NT5DC1: variants seen among roughly 807,000 people sequenced by gnomAD.
NT5DC1 encodes 5'-nucleotidase domain containing 1, also known as 5'-nucleotidase domain-containing protein 1.
A neutral mutation model predicts 59.4 loss-of-function variants in NT5DC1; 42 were observed. That is an observed-to-expected ratio of 0.71 (90% CI 0.55 to 0.92). The LOEUF is 0.92. Among genes scored for constraint, NT5DC1 ranks in the 40% least tolerant of loss-of-function variants. NT5DC1 has a pLI of 0.00. For missense variants in NT5DC1, 501 were observed against 537.1 expected, an observed-to-expected ratio of 0.93 and a Z score of 0.66; for synonymous variants, 172 against 188.1, an observed-to-expected ratio of 0.91 and a Z score of 0.70.
At position 116,236,609 on chromosome 6, in the gene NT5DC1, A is replaced by T. The variant is rs543493388; in HGVS notation, c.803-357A>T. On this transcript the variant is annotated intron_variant, in intron 8 of 11. Coordinates refer to ENST00000319550, the MANE Select transcript of NT5DC1 (RefSeq NM_152729.3). ...AATTCTAAAAAATTAACACCTAATG[A>T]CTTTCATTGTGTTATTTATTTGGTA... Among the ~76,000 whole-genome samples, 95 of 152,296 alleles carry T rather than the reference A, an allele frequency of 6.2e-4. 1 individual carries two copies. Among genetic ancestry groups the T allele is most frequent in the Middle Eastern group, 3.4e-3 (1 of 294 alleles).
At chr6:116,120,121 A>T (rs747712394) in intron 6 of NT5DC1, 1 of 1,614,132 alleles carries the variant, frequency 6.2e-7, no homozygotes, top group South Asian at 1.1e-5. Context: ...GGACATACTC[A>T]GAGGAGTATA....
At chr6:116,241,945 A>AAAAAAAAAAAAAAAAAAAAAAC (rs1771738418) in intron 11 of NT5DC1, among the ~76,000 whole-genome samples, 1 of 15,348 alleles carries the variant, frequency 6.5e-5, no homozygotes. Context: ...AAAACAAAAC[A>AAAAAAAAAAAAAAAAAAAAAAC]AAAAAAAAAA....
chr6:116,167,010 T>C (rs1027699192), intron 6 of NT5DC1, among the ~76,000 whole-genome samples: 1 of 152,144 alleles, frequency 6.6e-6, no homozygotes, highest in African/African-American at 2.4e-5. Flanking sequence ...AGGCCTACTA[T>C]AGGACTTATA....
intron 6 of NT5DC1, among the ~76,000 whole-genome samples, chr6:116,188,969 A>G (rs1316974550): frequency 6.6e-6 from 1 of 151,986 alleles, no homozygotes; most frequent in Non-Finnish European, 1.5e-5. Flanking sequence ...TAAATAAAAC[A>G]TTATCATTGG....
rs200053163 is a variant in NT5DC1 at position 116,169,173 on chromosome 6, CT to C, written c.529+51232del. Among the ~76,000 whole-genome samples, 1,305 of 152,264 alleles carry C rather than the reference CT, an allele frequency of 8.6e-3. 16 individuals are homozygous for C. The highest frequency in any genetic ancestry group is 0.029 in the African/African-American group (1,199 of 41,546). On this transcript the variant is annotated intron_variant, in intron 6 of 11. Coordinates refer to ENST00000319550, the MANE Select transcript of NT5DC1 (RefSeq NM_152729.3). ...TCCAAGCTCAGCTTTCTGGGTTTCT[CT>C]TTTCCTCAGCTTCTCAACTTGACCT...
chr6:116,239,912 A>C (rs1771649317), intron 11 of NT5DC1, among the ~76,000 whole-genome samples: 1 of 152,224 alleles, frequency 6.6e-6, no homozygotes, highest in Non-Finnish European at 1.5e-5. Context: ...AATTTGGTAG[A>C]GACAAAAACT....
At chr6:116,119,741 T>C in intron 6 of NT5DC1, 1 of 239,132 alleles carries the variant, frequency 4.2e-6, no homozygotes, top group Non-Finnish European at 8.1e-6. Flanking sequence ...GAGCTCTATT[T>C]CTGTTTTTTT....
At chr6:116,163,951 C>G (rs1261075500) in intron 6 of NT5DC1, among the ~76,000 whole-genome samples, 2 of 152,084 alleles carry the variant, frequency 1.3e-5, no homozygotes, top group South Asian at 2.1e-4. Context: ...CTGCTATATT[C>G]TGAGAGGATA....
Position 116,249,381 on chromosome 6 carries a change from A to G in NT5DC1, c.*5357A>G, listed in dbSNP as rs1339722439. On this transcript the variant is annotated 3_prime_UTR_variant, in exon 12 of 12. Transcript: ENST00000319550. ...AATTCATTTTCATAGATTTTGTAGC[A>G]TCCACAAAGCCCTCCTTACTGCAGA... The G allele has an allele frequency of 6.6e-6, 1 of 152,252 alleles. No homozygotes were observed. The highest frequency in any genetic ancestry group is 2.4e-5 in the African/African-American group (1 of 41,472). 9.4% of individuals were successfully genotyped at this position (152,252 alleles called of 1,614,324 possible).
At position 116,121,883 on chromosome 6, in the gene NT5DC1, C is replaced by T; in HGVS notation, c.529+3938C>T. On this transcript the variant is annotated intron_variant, in intron 6 of 11. Coordinates refer to ENST00000319550, the MANE Select transcript of NT5DC1 (RefSeq NM_152729.3). ...TCCGTAGCCTGGTTTTCCTGGTGGT[C>T]CAGAAGGACCTGGGTGCCCTCGAGG... is the stretch of plus-strand genomic sequence containing the variant. The T allele has an allele frequency of 2.5e-6, 4 of 1,613,946 alleles. No homozygotes were observed. The highest frequency in any genetic ancestry group is 3.4e-6 in the Non-Finnish European group (4 of 1,179,988).
rs564140491 is a variant in NT5DC1 at position 116,105,350 on chromosome 6, C to G, written c.94-894C>G. On this transcript the variant is annotated intron_variant, in intron 1 of 11. Transcript: ENST00000319550. ...CTGCTCCTCTGCCTCCCTCTTCTCC[C>G]TAAAAGTATGACATGTTATCGAAAC... Among the ~76,000 whole-genome samples, 86 of 152,282 alleles carry G rather than the reference C, an allele frequency of 5.6e-4. 1 individual carries two copies. Among genetic ancestry groups the G allele is most frequent in the Admixed American group, 1.2e-3 (19 of 15,300 alleles).
chr6:116,190,553 A>G (rs1434437844), intron 6 of NT5DC1, among the ~76,000 whole-genome samples: 1 of 151,992 alleles, frequency 6.6e-6, no homozygotes. Context: ...CCTTTTTTAC[A>G]CAGCTAAAAT....
chr6:116,190,746 C>T (rs573325854), intron 6 of NT5DC1, among the ~76,000 whole-genome samples: 1 of 152,076 alleles, frequency 6.6e-6, no homozygotes, highest in Admixed American at 6.6e-5. Flanking sequence ...CTGTGAGAGT[C>T]ATGTGGTATG....
At chr6:116,220,921 G>T in intron 6 of NT5DC1, 133 bp from the exon 7 acceptor site, 1 of 556,616 alleles carries the variant, frequency 1.8e-6, no homozygotes, top group Admixed American at 3.1e-5. Context: ...TGGCATAATT[G>T]CTAGGTCGGT....
chr6:116,104,719 C>G (rs1778735510), intron 1 of NT5DC1, among the ~76,000 whole-genome samples: 2 of 152,204 alleles, frequency 1.3e-5, no homozygotes, highest in Non-Finnish European at 2.9e-5. Context: ...AGGCTCTGCT[C>G]TAAGCATTTT....
chr6:116,228,118 A>C (rs1204807), intron 8 of NT5DC1, among the ~76,000 whole-genome samples: 64,680 of 152,096 alleles, frequency 0.43, 17,724 homozygotes, highest in African/African-American at 0.78. Flanking sequence ...AAGCAGGACC[A>C]AAAGTCCTAC....
rs559666454 is a variant in NT5DC1, at chr6:116,138,614, T to C, written c.529+20669T>C. On this transcript the variant is annotated intron_variant, in intron 6 of 11. Transcript: ENST00000319550. ...TTCGAAGAAGTGTCAAACATGCTTA[T>C]TTTTTAGGACATCATGGCTTGTTAT... 5.3e-5 allele frequency among the ~76,000 whole-genome samples: 8 copies of C among 152,104 alleles called. No individual in the cohort carries two copies. In the East Asian group the frequency reaches 1.2e-3, roughly 22 times the overall value.
chr6:116,124,779 G>C (rs1230895765), intron 6 of NT5DC1, among the ~76,000 whole-genome samples: 1 of 152,134 alleles, frequency 6.6e-6, no homozygotes, highest in Non-Finnish European at 1.5e-5. Flanking sequence ...TATTCAAAAT[G>C]TATAAGTAAT....
chr6:116,115,443 A>G (rs1778946072), intron 4 of NT5DC1, among the ~76,000 whole-genome samples: 3 of 152,192 alleles, frequency 2.0e-5, no homozygotes, highest in African/African-American at 7.2e-5. Context: ...ATTCTTTAAG[A>G]TGACTAAAAT....
Sources: gnomAD v4.1 joint callset for allele counts (sites outside exome capture counted in the v4.1 genomes callset) on GRCh38, gnomAD v4.1.1 for gene constraint, MANE v1.5 for transcripts, NCBI Gene and HGNC (gene_info 2026-07-23, HGNC 2026-07-21) for gene names.